SYNRG: variants seen among roughly 807,000 people sequenced by gnomAD.
The protein encoded by SYNRG is synergin gamma.
Under a neutral mutation model 130.9 loss-of-function variants are expected in SYNRG, and 37 were observed. That is an observed-to-expected ratio of 0.28 (90% CI 0.22 to 0.37). SYNRG has a LOEUF of 0.37. Ranked by LOEUF, SYNRG falls within the 10% of genes least tolerant of loss-of-function variation. The probability of loss-of-function intolerance (pLI) is 1.00; values close to 1 mark genes in which losing one functional copy is unlikely to be tolerated. For synonymous variants in SYNRG, 539 were observed against 568.1 expected (o/e 0.95, Z 0.73); for missense variants, 1,338 against 1,588.9 (o/e 0.84, Z 2.68).
intron 11 of SYNRG, among the ~76,000 whole-genome samples, chr17:37,565,692 C>G (rs1344650579): frequency 2.8e-5 from 4 of 141,776 alleles, no homozygotes; most frequent in African/African-American, 7.8e-5. Flanking sequence ...GCCTCTGCCC[C>G]GCCGCCCCAT....
chr17:37,584,764 G>C lies in SYNRG; in HGVS notation c.478-5C>G. 2 of 1,602,254 alleles carry C rather than the reference G, an allele frequency of 1.2e-6. No homozygotes were observed. Among genetic ancestry groups the C allele is most frequent in the African/African-American group, 1.3e-5 (1 of 74,822 alleles). Reference sequence around the variant, plus strand: ...ATCTCTACTCTTCTCTCCTGTCTAAGAGACAACAAATATATGCGTATTTCT... The same window carrying C: ...ATCTCTACTCTTCTCTCCTGTCTAACAGACAACAAATATATGCGTATTTCT... On this transcript the variant is annotated splice_region_variant and splice_polypyrimidine_tract_variant and intron_variant, in intron 5 of 21. Coordinates refer to ENST00000612223, the MANE Select transcript of SYNRG (RefSeq NM_007247.6).
intron 6 of SYNRG, among the ~76,000 whole-genome samples, chr17:37,581,238 T>G (rs1302479155): frequency 6.6e-6 from 1 of 151,758 alleles, no homozygotes; most frequent in Non-Finnish European, 1.5e-5. Flanking sequence ...ACAATACTAT[T>G]TTATTGTTGC....
At position 37,553,989 on chromosome 17, in the gene SYNRG, A is replaced by G. The variant is rs764072798; in HGVS notation, c.1734T>C (p.Ser578=). The G allele has an allele frequency of 4.3e-5, 69 of 1,609,718 alleles. No individual in the cohort carries two copies. The highest frequency in any genetic ancestry group is 4.9e-5 in the Non-Finnish European group (58 of 1,179,180). ...DGFTDFKTAD[S]VSPLEPPTKD... ...TTGTTGGTGGCTCTAGTGGTGATAC[A>G]CTATCGGCTGTTTTAAAATCGGTGA... is the stretch of plus-strand genomic sequence containing the variant. The change falls in exon 14 of 22, where the codon AGT becomes AGC. Residue 578 remains serine, a synonymous_variant. Transcript: ENST00000612223.
At chr17:37,562,588 T>C (rs938803505) in intron 11 of SYNRG, among the ~76,000 whole-genome samples, 2 of 152,180 alleles carry the variant, frequency 1.3e-5, no homozygotes, top group Non-Finnish European at 2.9e-5. Context: ...TTCTTATCAG[T>C]GGCTTACAAG....
At chr17:37,599,981 G>A (rs1049090527) in intron 2 of SYNRG, among the ~76,000 whole-genome samples, 2 of 152,164 alleles carry the variant, frequency 1.3e-5, no homozygotes, top group African/African-American at 2.4e-5. Flanking sequence ...GCATTAGACA[G>A]ACATGGCACT....
At chr17:37,572,582 CT>C (rs1328028063) in intron 8 of SYNRG, among the ~76,000 whole-genome samples, 6 of 152,092 alleles carry the variant, frequency 3.9e-5, no homozygotes, top group Non-Finnish European at 7.3e-5. Context: ...AGACAGCATG[CT>C]TTGGACTTTA....
intron 19 of SYNRG, among the ~76,000 whole-genome samples, chr17:37,527,816 C>G (rs1027600512): frequency 1.3e-5 from 2 of 152,066 alleles, no homozygotes; most frequent in African/African-American, 2.4e-5. Flanking sequence ...ACCAATTCCC[C>G]CCCCATGGAC....
intron 14 of SYNRG, among the ~76,000 whole-genome samples, chr17:37,547,155 T>G (rs1414455572): frequency 6.6e-6 from 1 of 152,218 alleles, no homozygotes; most frequent in Non-Finnish European, 1.5e-5. Flanking sequence ...TCACACAACT[T>G]CATGGTATAA....
chr17:37,564,785 T>C (rs937744315), intron 11 of SYNRG, among the ~76,000 whole-genome samples: 3 of 152,252 alleles, frequency 2.0e-5, no homozygotes, highest in Non-Finnish European at 4.4e-5. Context: ...TAAGGACTAA[T>C]CCTAAGAGAA....
intron 8 of SYNRG, among the ~76,000 whole-genome samples, chr17:37,576,084 C>T (rs1337352109): frequency 6.6e-6 from 1 of 151,884 alleles, no homozygotes; most frequent in African/African-American, 2.4e-5. Context: ...TCTAAGAGAG[C>T]TTTTAGAAAT....
chr17:37,545,201 A>G (rs968284540), intron 14 of SYNRG, among the ~76,000 whole-genome samples: 3 of 151,490 alleles, frequency 2.0e-5, no homozygotes, highest in Non-Finnish European at 4.4e-5. Context: ...CCTGGGCAAC[A>G]AGAGCGAAAC....
intron 2 of SYNRG, among the ~76,000 whole-genome samples, chr17:37,598,429 G>GT (rs1468924072): frequency 5.9e-5 from 9 of 152,212 alleles, no homozygotes; most frequent in Non-Finnish European, 8.8e-5. Context: ...AATAGCCACA[G>GT]TAAGATGTTT....
At chr17:37,578,287 C>G (rs558074685) in intron 6 of SYNRG, among the ~76,000 whole-genome samples, 1 of 151,308 alleles carries the variant, frequency 6.6e-6, no homozygotes, top group Non-Finnish European at 1.5e-5. Flanking sequence ...GCTGAAATCA[C>G]GCCACTGCAC....
chr17:37,609,373 G>T lies in SYNRG; in HGVS notation c.-18C>A. The T allele has an allele frequency of 7.1e-7, 1 of 1,411,442 alleles. No individual in the cohort carries two copies. Among genetic ancestry groups the T allele is most frequent in the Non-Finnish European group, 9.2e-7 (1 of 1,087,066 alleles). The allele number at this position is 1,411,442 out of a possible 1,614,324, so 87.4% of individuals were successfully genotyped here. On this transcript the variant is annotated 5_prime_UTR_variant, in exon 1 of 22. Transcript: ENST00000612223. Reference sequence around the variant, plus strand: ...AGCGCCATCTTGCTCCCGACCTGCCGCTGCCTTCGCCGCCGCCACCTTATC... The same window carrying T: ...AGCGCCATCTTGCTCCCGACCTGCCTCTGCCTTCGCCGCCGCCACCTTATC...
intron 11 of SYNRG, among the ~76,000 whole-genome samples, chr17:37,564,609 A>C (rs1344181114): frequency 6.6e-6 from 1 of 152,182 alleles, no homozygotes; most frequent in East Asian, 1.9e-4. Context: ...TCTACTCCTA[A>C]AACCTTACTT....
intron 19 of SYNRG, among the ~76,000 whole-genome samples, chr17:37,530,880 AT>A (rs1409158118): frequency 2.6e-5 from 4 of 152,308 alleles, no homozygotes; most frequent in Admixed American, 1.3e-4. Context: ...CTTGGGCATG[AT>A]TCTCCTCTGC....
intron 11 of SYNRG, 85 bp from the exon 12 acceptor site, chr17:37,561,674 G>A: frequency 2.0e-6 from 2 of 976,688 alleles, no homozygotes; most frequent in Non-Finnish European, 3.2e-6. Context: ...ATGGCAAACA[G>A]GTATTTCATT....
intron 4 of SYNRG, 48 bp from the exon 5 acceptor site, chr17:37,585,478 CTG>C (rs1181902574): frequency 7.7e-6 from 10 of 1,301,782 alleles, no homozygotes; most frequent in African/African-American, 1.5e-5. Context: ...GGATTATACA[CTG>C]TGTTTTATAT....
chr17:37,541,400 G>GGAGT (rs2057746772), intron 15 of SYNRG: 1 of 285,610 alleles, frequency 3.5e-6, no homozygotes, highest in Non-Finnish European at 5.3e-6. Flanking sequence ...CCACCTACAG[G>GGAGT]GAGTGGTGCT....
Sources: gnomAD v4.1 joint callset for allele counts (sites outside exome capture counted in the v4.1 genomes callset) on GRCh38, gnomAD v4.1.1 for gene constraint, MANE v1.5 for transcripts, NCBI Gene and HGNC (gene_info 2026-07-23, HGNC 2026-07-21) for gene names.